LARGE1: variants seen among roughly 807,000 people sequenced by gnomAD.
LARGE1 encodes the protein LARGE xylosyl- and glucuronyltransferase 1.
Under a neutral mutation model 87.6 loss-of-function variants are expected in LARGE1, and 43 were observed. That is an observed-to-expected ratio of 0.49 (90% CI 0.38 to 0.63). The LOEUF (loss-of-function observed/expected upper bound fraction) is 0.63, where lower values mean the gene tolerates loss of function less well. Among genes scored for constraint, LARGE1 ranks in the 30% least tolerant of loss-of-function variants. LARGE1 has a pLI of 0.00. For missense variants in LARGE1, 802 were observed against 1,000.2 expected (o/e 0.80, Z 2.67); for synonymous variants, 434 against 394.6 (o/e 1.10, Z -1.18).
chr22:33,252,264 G>A (rs984543715), intron 11 of LARGE1, among the ~76,000 whole-genome samples: 20 of 22,300 alleles, frequency 9.0e-4, no homozygotes, highest in South Asian at 4.1e-3. Flanking sequence ...CCCCCCCCCC[G>A]CCATTTTAAA....
intron 9 of LARGE1, among the ~76,000 whole-genome samples, chr22:33,360,290 GC>G (rs2064338302): frequency 6.7e-6 from 1 of 149,274 alleles, no homozygotes; most frequent in African/African-American, 2.5e-5. Flanking sequence ...TCCAGCCTGG[GC>G]AACAGAGCAA....
chr22:33,805,020 T>A (rs2086266178), intron 1 of LARGE1, among the ~76,000 whole-genome samples: 1 of 152,164 alleles, frequency 6.6e-6, no homozygotes, highest in East Asian at 1.9e-4. Flanking sequence ...ACTCCTAATG[T>A]TCTCTCCCAA....
chr22:33,217,206 A>C (rs1187280784), intron 11 of LARGE1, among the ~76,000 whole-genome samples: 2 of 151,934 alleles, frequency 1.3e-5, no homozygotes, highest in African/African-American at 4.8e-5. Context: ...TGAATAAATA[A>C]ATTATGATAG....
At chr22:33,316,330 C>T (rs1936161088) in intron 10 of LARGE1, 82 bp from the exon 11 acceptor site, 3 of 1,405,690 alleles carry the variant, frequency 2.1e-6, no homozygotes, top group Non-Finnish European at 2.9e-6. Flanking sequence ...GCCCTGCCCT[C>T]CCCTGAGTTT....
chr22:33,616,324 T>C (rs1031565580), intron 4 of LARGE1, among the ~76,000 whole-genome samples: 1 of 152,006 alleles, frequency 6.6e-6, no homozygotes, highest in Non-Finnish European at 1.5e-5. Flanking sequence ...CTGGCCAACA[T>C]GGCGAAACCC....
intron 1 of LARGE1, among the ~76,000 whole-genome samples, chr22:33,801,200 G>C (rs73170597): frequency 6.6e-6 from 1 of 152,188 alleles, no homozygotes; most frequent in Non-Finnish European, 1.5e-5. Flanking sequence ...ATGTGGTACT[G>C]TAAGTCCAAT....
At chr22:33,846,292 T>C (rs2146461754) in intron 1 of LARGE1, among the ~76,000 whole-genome samples, 1 of 152,382 alleles carries the variant, frequency 6.6e-6, no homozygotes, top group Non-Finnish European at 1.5e-5. Flanking sequence ...CTGTCTTTAC[T>C]GCAATCTCTA....
chr22:33,706,596 T>A (rs1010735701), intron 2 of LARGE1, among the ~76,000 whole-genome samples: 7 of 152,332 alleles, frequency 4.6e-5, no homozygotes, highest in African/African-American at 1.7e-4. Context: ...CAGATTCTCC[T>A]TCTGGAAGGG....
intron 1 of LARGE1, among the ~76,000 whole-genome samples, chr22:33,799,579 T>G (rs2146060944): frequency 6.6e-6 from 1 of 152,228 alleles, no homozygotes; most frequent in East Asian, 1.9e-4. Flanking sequence ...TAGCTGGGAT[T>G]ACAGGCATGC....
chr22:33,812,175 G>A (rs1369938016), intron 1 of LARGE1, among the ~76,000 whole-genome samples: 1 of 152,140 alleles, frequency 6.6e-6, no homozygotes, highest in Non-Finnish European at 1.5e-5. Flanking sequence ...CCCACTCAAG[G>A]GCACTTAATA....
Position 33,533,850 on chromosome 22 carries a change from G to A in LARGE1, c.787+30998C>T, listed in dbSNP as rs535745759. On this transcript the variant is annotated intron_variant, in intron 6 of 14. Coordinates refer to ENST00000397394, the MANE Select transcript of LARGE1 (RefSeq NM_133642.5). ...AGGATCTTGTTCATATTTGATGGGT[G>A]AAATAGCTGTTTCATCTTTCTTAGG... is the stretch of plus-strand genomic sequence containing the variant. Among the ~76,000 whole-genome samples the A allele has an allele frequency of 5.3e-5, 8 of 150,508 alleles. No homozygotes were observed. The East Asian group carries it at 1.6e-3, about 29-fold the overall frequency.
intron 11 of LARGE1, among the ~76,000 whole-genome samples, chr22:33,190,660 G>T (rs1467880647): frequency 6.6e-6 from 1 of 152,082 alleles, no homozygotes; most frequent in African/African-American, 2.4e-5. Flanking sequence ...GGAGGGGTCC[G>T]ATCAGTTTCA....
At chr22:33,292,009 G>A (rs1221648207) in intron 12 of LARGE1, among the ~76,000 whole-genome samples, 3 of 152,096 alleles carry the variant, frequency 2.0e-5, no homozygotes, top group African/African-American at 2.4e-5. Flanking sequence ...CAGGAGAATC[G>A]CTTGAACCAG....
intron 6 of LARGE1, among the ~76,000 whole-genome samples, chr22:33,550,762 T>C (rs1426637151): frequency 1.3e-5 from 2 of 152,198 alleles, no homozygotes; most frequent in African/African-American, 4.8e-5. Context: ...ATCACAACAC[T>C]ACTCACAATA....
intron 1 of LARGE1, among the ~76,000 whole-genome samples, chr22:33,845,502 T>C (rs865804658): frequency 1.8e-4 from 28 of 151,980 alleles, no homozygotes; most frequent in African/African-American, 6.5e-4. Context: ...GAGACGGGGT[T>C]TCTCCATGTT....
chr22:33,903,735 G>C (rs925237145), intron 1 of LARGE1, among the ~76,000 whole-genome samples: 1 of 152,158 alleles, frequency 6.6e-6, no homozygotes, highest in Admixed American at 6.5e-5. Context: ...TGAGGCAGGA[G>C]AATCACTTGA....
At chr22:33,236,566 T>A (rs1926261210) in intron 11 of LARGE1, among the ~76,000 whole-genome samples, 1 of 152,210 alleles carries the variant, frequency 6.6e-6, no homozygotes, top group Non-Finnish European at 1.5e-5. Context: ...CACCTCAACC[T>A]GCAAGTTTCA....
At chr22:33,790,988 A>G (rs1380481215) in intron 1 of LARGE1, among the ~76,000 whole-genome samples, 2 of 152,214 alleles carry the variant, frequency 1.3e-5, no homozygotes, top group Non-Finnish European at 2.9e-5. Flanking sequence ...TCTACCAAAA[A>G]CAACGGCAGT....
intron 3 of LARGE1, among the ~76,000 whole-genome samples, chr22:33,646,346 A>C (rs1391002148): frequency 1.3e-5 from 2 of 152,158 alleles, no homozygotes; most frequent in Admixed American, 6.5e-5. Flanking sequence ...CAGAAAACCA[A>C]ACACCACATG....
Sources: allele counts gnomAD v4.1 joint callset (sites outside exome capture counted in the v4.1 genomes callset), GRCh38; gene constraint gnomAD v4.1.1; transcripts MANE v1.5; gene names NCBI Gene and HGNC (gene_info 2026-07-23, HGNC 2026-07-21).